Variants in CADM1 observed in about 807,000 individuals in gnomAD.
The protein encoded by CADM1 is TSLC-1.
Under a neutral mutation model 53.1 loss-of-function variants are expected in CADM1, and 15 were observed. The observed-to-expected ratio is 0.28, with a 90% CI of 0.19 to 0.44. The LOEUF (loss-of-function observed/expected upper bound fraction) is 0.44. CADM1 is among the 20% of genes least tolerant of loss of function. The probability of loss-of-function intolerance (pLI) is 1.00; values close to 1 mark genes in which losing one functional copy is unlikely to be tolerated. For synonymous variants in CADM1, 281 were observed against 243.0 expected (o/e 1.16, Z -1.45); for missense variants, 434 against 611.3 (o/e 0.71, Z 3.06).
intron 1 of CADM1, among the ~76,000 whole-genome samples, chr11:115,459,635 A>T (rs1340167642): frequency 6.6e-6 from 1 of 152,168 alleles, no homozygotes; most frequent in Non-Finnish European, 1.5e-5. Flanking sequence ...GGTGGCATGG[A>T]CCAGTTGATT....
At chr11:115,265,293 G>C (rs1001697992) in intron 1 of CADM1, among the ~76,000 whole-genome samples, 3 of 152,280 alleles carry the variant, frequency 2.0e-5, no homozygotes, top group African/African-American at 7.2e-5. Flanking sequence ...ACCTCTAAGA[G>C]AGAAGGAACC....
chr11:115,261,837 T>C (rs1265289969), intron 1 of CADM1, among the ~76,000 whole-genome samples: 1 of 151,754 alleles, frequency 6.6e-6, no homozygotes, highest in African/African-American at 2.4e-5. Context: ...TGGAGTGCAG[T>C]GGTTCAATCT....
intron 2 of CADM1, 144 bp from the exon 3 acceptor site, chr11:115,238,796 A>C: frequency 1.2e-6 from 1 of 806,868 alleles, no homozygotes; most frequent in Non-Finnish European, 2.1e-6. Flanking sequence ...TAGACAAATA[A>C]CCTTGTCCAA....
chr11:115,346,692 A>G (rs1469340535), intron 1 of CADM1, among the ~76,000 whole-genome samples: 3 of 152,184 alleles, frequency 2.0e-5, no homozygotes, highest in Admixed American at 6.5e-5. Flanking sequence ...GCTGTCAGAG[A>G]GAGGCCCGGA....
At chr11:115,425,961 G>A (rs1012292631) in intron 1 of CADM1, among the ~76,000 whole-genome samples, 3 of 152,168 alleles carry the variant, frequency 2.0e-5, no homozygotes, top group African/African-American at 7.2e-5. Flanking sequence ...GCCAAAGCGG[G>A]AACCCCATCT....
chr11:115,214,547 T>C, intron 7 of CADM1, 61 bp downstream of exon 7: 1 of 1,503,428 alleles, frequency 6.7e-7, no homozygotes. Context: ...TGAGAGTAAA[T>C]CACAAGTAGC....
At chr11:115,468,750 C>A (rs1000976658) in intron 1 of CADM1, among the ~76,000 whole-genome samples, 1 of 152,058 alleles carries the variant, frequency 6.6e-6, no homozygotes, top group South Asian at 2.1e-4. Flanking sequence ...GGGCATGATA[C>A]CTGTATTAGT....
At chr11:115,466,872 C>A (rs142204401) in intron 1 of CADM1, among the ~76,000 whole-genome samples, 4 of 152,266 alleles carry the variant, frequency 2.6e-5, no homozygotes, top group Admixed American at 2.0e-4. Context: ...AGATTTTGCA[C>A]AACCCACTTA....
intron 3 of CADM1, among the ~76,000 whole-genome samples, chr11:115,234,991 A>AT (rs796620095): frequency 3.4e-4 from 51 of 148,872 alleles, no homozygotes; most frequent in African/African-American, 9.6e-4. Flanking sequence ...TCACTGAATG[A>AT]TTTTTTTTTC....
intron 1 of CADM1, among the ~76,000 whole-genome samples, chr11:115,472,830 TTA>T (rs1949045621): frequency 6.6e-6 from 1 of 152,190 alleles, no homozygotes; most frequent in African/African-American, 2.4e-5. Flanking sequence ...TTATACCTTG[TTA>T]AAGATATTGA....
At chr11:115,225,100 C>T (rs1011105898) in intron 5 of CADM1, among the ~76,000 whole-genome samples, 2 of 152,280 alleles carry the variant, frequency 1.3e-5, no homozygotes, top group Middle Eastern at 3.4e-3. Context: ...TGCTGCTGTA[C>T]CCTTGCTGAG....
At position 115,289,782 on chromosome 11, in the gene CADM1, A is replaced by G. The variant is rs543959573; in HGVS notation, c.125-49362T>C. 2.1e-4 allele frequency among the ~76,000 whole-genome samples: 32 copies of G among 151,770 alleles called. 1 individual carries two copies. The South Asian group carries it at 6.5e-3, about 31-fold the overall frequency. On this transcript the variant is annotated intron_variant, in intron 1 of 11. Transcript: ENST00000331581. ...AGCTAATTTTTTGTATTTTTAGTAG[A>G]GAGGGGTTTTCACTGCATTAGCCAG...
At chr11:115,306,298 G>A (rs954699000) in intron 1 of CADM1, among the ~76,000 whole-genome samples, 1 of 151,954 alleles carries the variant, frequency 6.6e-6, no homozygotes, top group African/African-American at 2.4e-5. Context: ...TTGTAGCGTA[G>A]GAGCAATAGG....
intron 7 of CADM1, among the ~76,000 whole-genome samples, chr11:115,210,043 G>A (rs1031264954): frequency 1.3e-5 from 2 of 152,220 alleles, no homozygotes; most frequent in Non-Finnish European, 2.9e-5. Context: ...GAAGGAGGAG[G>A]AGGAGGTGGT....
chr11:115,387,677 A>G (rs958054500), intron 1 of CADM1, among the ~76,000 whole-genome samples: 3 of 152,160 alleles, frequency 2.0e-5, no homozygotes, highest in African/African-American at 2.4e-5. Context: ...GTGGAAGAAT[A>G]ATACATTATA....
At chr11:115,504,219 A>C in intron 1 of CADM1, 52 bp downstream of exon 1, 1 of 1,556,842 alleles carries the variant, frequency 6.4e-7, no homozygotes, top group East Asian at 2.4e-5. Context: ...GGCCAAGGCT[A>C]CTGGGGTGCC....
chr11:115,287,065 C>T (rs1943747396), intron 1 of CADM1, among the ~76,000 whole-genome samples: 1 of 152,194 alleles, frequency 6.6e-6, no homozygotes, highest in Admixed American at 6.5e-5. Context: ...CTGTTTGAAA[C>T]ACTGCCTTTC....
intron 1 of CADM1, among the ~76,000 whole-genome samples, chr11:115,490,000 G>A (rs141729271): frequency 1.1e-4 from 16 of 152,272 alleles, no homozygotes; most frequent in Non-Finnish European, 2.1e-4. Flanking sequence ...GAGAGCCGGC[G>A]AGGCCAAGCA....
intron 1 of CADM1, among the ~76,000 whole-genome samples, chr11:115,453,405 A>G (rs1260042493): frequency 6.6e-6 from 1 of 152,010 alleles, no homozygotes; most frequent in Non-Finnish European, 1.5e-5. Context: ...AAAAACAAGA[A>G]AAGAAAAGAA....
Sources: gnomAD v4.1 joint callset for allele counts (sites outside exome capture counted in the v4.1 genomes callset) on GRCh38, gnomAD v4.1.1 for gene constraint, MANE v1.5 for transcripts, NCBI Gene and HGNC (gene_info 2026-07-23, HGNC 2026-07-21) for gene names.